CSMD3: variants seen among roughly 807,000 people sequenced by gnomAD.
The protein encoded by CSMD3 is CUB and sushi domain-containing protein 3.
Under a neutral mutation model 435.2 loss-of-function variants are expected in CSMD3, and 177 were observed. That is an observed-to-expected ratio of 0.41 (90% confidence interval 0.36 to 0.46). The LOEUF (loss-of-function observed/expected upper bound fraction) is 0.46, where lower values mean the gene tolerates loss of function less well. CSMD3 is among the 20% of genes least tolerant of loss of function. CSMD3 has a pLI of 0.34. For synonymous variants in CSMD3, 1,656 were observed against 1,520.5 expected (o/e 1.09, Z -2.07); for missense variants, 4,265 against 4,504.6 (o/e 0.95, Z 1.52).
intron 13 of CSMD3, among the ~76,000 whole-genome samples, chr8:112,765,124 C>T (rs961666746): frequency 1.3e-5 from 2 of 151,248 alleles, no homozygotes; most frequent in Admixed American, 6.6e-5. Flanking sequence ...CAACAGATGA[C>T]GGGGAGTCAC....
At chr8:112,876,202 T>G (rs930608648) in intron 10 of CSMD3, among the ~76,000 whole-genome samples, 20 of 152,046 alleles carry the variant, frequency 1.3e-4, no homozygotes, top group African/African-American at 4.6e-4. Flanking sequence ...ATACCAACCA[T>G]AAAAAGACCA....
intron 3 of CSMD3, among the ~76,000 whole-genome samples, chr8:113,203,704 A>T (rs959274522): frequency 6.6e-6 from 1 of 152,116 alleles, no homozygotes; most frequent in African/African-American, 2.4e-5. Context: ...TCAAGACAAA[A>T]TCTTTTAACA....
intron 1 of CSMD3, among the ~76,000 whole-genome samples, chr8:113,414,827 C>T (rs553986096): frequency 1.3e-5 from 2 of 151,872 alleles, no homozygotes; most frequent in African/African-American, 4.8e-5. Context: ...ATTAGCTGGG[C>T]GTGGTGGCAT....
chr8:112,648,451 G>T (rs533240445), intron 19 of CSMD3, among the ~76,000 whole-genome samples: 6 of 152,278 alleles, frequency 3.9e-5, no homozygotes, highest in African/African-American at 1.4e-4. Context: ...AAGATGCATT[G>T]TAAGAATGCA....
chr8:112,329,129 A>C (rs2130914194), intron 45 of CSMD3, among the ~76,000 whole-genome samples: 1 of 152,244 alleles, frequency 6.6e-6, no homozygotes, highest in South Asian at 2.1e-4. Context: ...CTTAGTGCTG[A>C]GCCCATTAAA....
At chr8:112,344,119 T>C (rs1052571883) in intron 41 of CSMD3, among the ~76,000 whole-genome samples, 1 of 152,078 alleles carries the variant, frequency 6.6e-6, no homozygotes, top group Non-Finnish European at 1.5e-5. Context: ...CCTGACCTTG[T>C]GATCTGCCCG....
At chr8:113,192,286 TA>T (rs2092596923) in intron 3 of CSMD3, among the ~76,000 whole-genome samples, 2 of 151,758 alleles carry the variant, frequency 1.3e-5, no homozygotes. Context: ...GCTAAAAATC[TA>T]TGTATCTTCT....
intron 35 of CSMD3, among the ~76,000 whole-genome samples, chr8:112,404,296 G>A (rs536170505): frequency 2.6e-4 from 39 of 152,246 alleles, no homozygotes; most frequent in African/African-American, 8.9e-4. Flanking sequence ...TTGGGAGGCC[G>A]AGGCGGGTGG....
At chr8:112,364,841 G>A (rs1486819271) in intron 38 of CSMD3, among the ~76,000 whole-genome samples, 1 of 151,970 alleles carries the variant, frequency 6.6e-6, no homozygotes, top group Non-Finnish European at 1.5e-5. Flanking sequence ...AAACACACCA[G>A]AAAGCAAAAA....
At chr8:112,961,891 G>T (rs62514579) in intron 7 of CSMD3, among the ~76,000 whole-genome samples, 10 of 151,820 alleles carry the variant, frequency 6.6e-5, no homozygotes, top group Non-Finnish European at 1.5e-4. Context: ...TACAGTTATG[G>T]TATGCTGTAA....
chr8:112,894,444 A>T (rs578150346), intron 10 of CSMD3, among the ~76,000 whole-genome samples: 6 of 151,448 alleles, frequency 4.0e-5, no homozygotes, highest in Non-Finnish European at 8.9e-5. Flanking sequence ...TATAGACAAA[A>T]ATATTAGTAT....
At chr8:113,204,394 T>C (rs1334516972) in intron 3 of CSMD3, among the ~76,000 whole-genome samples, 1 of 152,176 alleles carries the variant, frequency 6.6e-6, no homozygotes, top group Non-Finnish European at 1.5e-5. Context: ...ATATGTTTTC[T>C]ATTTGAAATC....
intron 13 of CSMD3, among the ~76,000 whole-genome samples, chr8:112,693,180 C>A (rs376257875): frequency 1.8e-4 from 27 of 152,056 alleles, no homozygotes; most frequent in African/African-American, 6.5e-4. Flanking sequence ...TGGATGTTTG[C>A]AAACTATAAA....
At chr8:113,154,874 T>C (rs970984983) in intron 4 of CSMD3, among the ~76,000 whole-genome samples, 1 of 151,978 alleles carries the variant, frequency 6.6e-6, no homozygotes, top group African/African-American at 2.4e-5. Context: ...ACTGTTAAGC[T>C]CCCGAACAAT....
chr8:112,654,598 G>T (rs1229047642), intron 18 of CSMD3, among the ~76,000 whole-genome samples: 1 of 152,108 alleles, frequency 6.6e-6, no homozygotes, highest in African/African-American at 2.4e-5. Flanking sequence ...GCTGACTGAA[G>T]GTATGCATTT....
At chr8:113,027,391 A>T (rs1270247274) in intron 5 of CSMD3, among the ~76,000 whole-genome samples, 2 of 152,174 alleles carry the variant, frequency 1.3e-5, no homozygotes, top group African/African-American at 2.4e-5. Context: ...AAGTTGAAAA[A>T]ATATTTTAGG....
chr8:113,190,380 A>C (rs532271595), intron 3 of CSMD3, among the ~76,000 whole-genome samples: 2 of 151,922 alleles, frequency 1.3e-5, no homozygotes, highest in African/African-American at 2.4e-5. Flanking sequence ...AGGGTAGTGG[A>C]AAGTCTGAGA....
At chr8:113,194,695 A>G in intron 3 of CSMD3, among the ~76,000 whole-genome samples, 1 of 151,202 alleles carries the variant, frequency 6.6e-6, no homozygotes, top group Non-Finnish European at 1.5e-5. Context: ...TTGCTATGAA[A>G]CAAAAATTGA....
intron 2 of CSMD3, chr8:113,311,581 T>C (rs2093869244): frequency 6.6e-6 from 1 of 151,960 alleles, no homozygotes; most frequent in African/African-American, 2.4e-5. Context: ...TGATCCAATA[T>C]GAGAGAAACA....
Sources: allele counts gnomAD v4.1 joint callset (sites outside exome capture counted in the v4.1 genomes callset), GRCh38; gene constraint gnomAD v4.1.1; transcripts MANE v1.5; gene names NCBI Gene and HGNC (gene_info 2026-07-23, HGNC 2026-07-21).